The following DAB1 variants were observed in gnomAD, a reference collection of about 807,000 sequenced individuals.
DAB1 encodes disabled homolog 1.
Under a neutral mutation model 64.6 loss-of-function variants are expected in DAB1, and 15 were observed. The observed-to-expected ratio is 0.23, with a 90% CI of 0.16 to 0.36. DAB1 has a LOEUF of 0.36. Ranked by LOEUF, DAB1 falls within the 10% of genes least tolerant of loss-of-function variation. The pLI is 1.00. For missense variants in DAB1, 596 were observed against 706.7 expected (o/e 0.84, Z 1.78); for synonymous variants, 235 against 251.9 (o/e 0.93, Z 0.64).
At chr1:57,621,468 C>T (rs960575106) in intron 7 of DAB1, among the ~76,000 whole-genome samples, 4 of 151,896 alleles carry the variant, frequency 2.6e-5, no homozygotes, top group African/African-American at 9.7e-5. Flanking sequence ...TACTTCTGTA[C>T]TTTTGAACAA....
intron 4 of DAB1, among the ~76,000 whole-genome samples, chr1:57,127,206 A>G (rs1268645396): frequency 6.6e-6 from 1 of 152,244 alleles, no homozygotes; most frequent in Non-Finnish European, 1.5e-5. Context: ...AATAAGCAGT[A>G]GACTCCATAT....
At chr1:57,849,721 A>G (rs1162444351) in intron 1 of DAB1, among the ~76,000 whole-genome samples, 1 of 152,182 alleles carries the variant, frequency 6.6e-6, no homozygotes, top group East Asian at 1.9e-4. Flanking sequence ...AAAATAATAT[A>G]TCCTTTGTGG....
At chr1:58,465,253 C>T (rs1036925399) in intron 3 of DAB1, among the ~76,000 whole-genome samples, 1 of 152,208 alleles carries the variant, frequency 6.6e-6, no homozygotes, top group Non-Finnish European at 1.5e-5. Context: ...CACTGGCCAC[C>T]AAGCCACAAG....
At chr1:57,198,755 TGGA>T (rs1442438842) in intron 2 of DAB1, among the ~76,000 whole-genome samples, 3 of 151,598 alleles carry the variant, frequency 2.0e-5, no homozygotes, top group Non-Finnish European at 2.9e-5. Context: ...AGCTGGACTC[TGGA>T]GGAGGAGAGG....
intron 2 of DAB1, among the ~76,000 whole-genome samples, chr1:57,187,025 A>T (rs1283912226): frequency 2.0e-5 from 3 of 152,186 alleles, no homozygotes; most frequent in African/African-American, 7.2e-5. Context: ...AAAAGATGGG[A>T]TCTAAAAGAT....
At chr1:57,264,513 A>G (rs1423805967) in intron 2 of DAB1, among the ~76,000 whole-genome samples, 1 of 152,246 alleles carries the variant, frequency 6.6e-6, no homozygotes, top group Non-Finnish European at 1.5e-5. Context: ...CCGCATACAT[A>G]GCCCTGATTT....
intron 2 of DAB1, among the ~76,000 whole-genome samples, chr1:57,221,819 A>C (rs2100386659): frequency 6.6e-6 from 1 of 152,272 alleles, no homozygotes; most frequent in East Asian, 1.9e-4. Flanking sequence ...TCCTAACTGC[A>C]ACATTACCCT....
chr1:57,838,461 A>G (rs1212297631), intron 1 of DAB1, among the ~76,000 whole-genome samples: 1 of 152,098 alleles, frequency 6.6e-6, no homozygotes, highest in Non-Finnish European at 1.5e-5. Context: ...TAAGAACAGA[A>G]AAAAAAACTG....
intron 3 of DAB1, among the ~76,000 whole-genome samples, chr1:58,411,252 T>C (rs920985140): frequency 2.6e-5 from 4 of 152,198 alleles, no homozygotes; most frequent in Non-Finnish European, 5.9e-5. Context: ...ACATAGTAGT[T>C]AAGAGAAAGT....
intron 1 of DAB1, among the ~76,000 whole-genome samples, chr1:57,844,110 C>T (rs544263006): frequency 6.6e-6 from 1 of 152,336 alleles, no homozygotes; most frequent in South Asian, 2.1e-4. Flanking sequence ...CACAGTAAAA[C>T]TCCTCATCCC....
At chr1:58,069,954 C>A (rs774061684) in intron 5 of DAB1, among the ~76,000 whole-genome samples, 2 of 152,160 alleles carry the variant, frequency 1.3e-5, no homozygotes, top group Non-Finnish European at 2.9e-5. Flanking sequence ...CCCTTGCCCA[C>A]AGAGTCAGTG....
At position 57,831,203 on chromosome 1, in the gene DAB1, G is replaced by A. The variant is rs186711047; in HGVS notation, n.88-4748C>T. On this transcript the variant is annotated intron_variant and non_coding_transcript_variant, in intron 1 of 1. Transcript: ENST00000477280. ...GCTGGGATTACAGGTGTGAGCCACC[G>A]CGCCCAGCCATGTTGCTGTATTTTT... Among the ~76,000 whole-genome samples the A allele has an allele frequency of 1.8e-3, 269 of 152,190 alleles. 2 individuals carry two copies. The highest frequency in any genetic ancestry group is 0.015 in the South Asian group (72 of 4,824).
At chr1:58,539,382 TA>T in intron 1 of DAB1, 2 of 678,072 alleles carry the variant, frequency 2.9e-6, no homozygotes, top group South Asian at 1.9e-5. Flanking sequence ...TAACACTTAT[TA>T]AATAGGCGTG....
rs1557666150 is a variant in DAB1 at position 58,135,416 on chromosome 1, GGTACCGA to G, written n.387+15088_387+15094del. Among the ~76,000 whole-genome samples the G allele has an allele frequency of 2.0e-5, 3 of 152,192 alleles. No individual in the cohort carries two copies. In the East Asian group the frequency reaches 5.8e-4, roughly 29 times the overall value. On this transcript the variant is annotated intron_variant and non_coding_transcript_variant, in intron 5 of 20. Transcript: ENST00000485760. The stretch of plus-strand genomic sequence containing the variant: ...TGAGGAAGGCCTTGACTAGCTACCA[GGTACCGA>G]GTACCTGGTACTCAGTGCTGAGTTC...
At chr1:57,618,497 A>G (rs1485356058) in intron 7 of DAB1, among the ~76,000 whole-genome samples, 1 of 151,540 alleles carries the variant, frequency 6.6e-6, no homozygotes, top group East Asian at 1.9e-4. Flanking sequence ...TAAGTGAGAA[A>G]TAGGAAAGAA....
chr1:57,502,489 ATCAT>A (rs1644302205), intron 7 of DAB1, among the ~76,000 whole-genome samples: 1 of 152,112 alleles, frequency 6.6e-6, no homozygotes, highest in African/African-American at 2.4e-5. Flanking sequence ...CATCTCCAAT[ATCAT>A]ATTTTACCCT....
chr1:57,339,922 C>T (rs2100824413), intron 1 of DAB1, among the ~76,000 whole-genome samples: 1 of 152,176 alleles, frequency 6.6e-6, no homozygotes, highest in South Asian at 2.1e-4. Flanking sequence ...CAAGTCATCG[C>T]CAGGGAGGTA....
intron 6 of DAB1, among the ~76,000 whole-genome samples, chr1:57,814,132 T>A (rs528580827): frequency 2.0e-5 from 3 of 152,276 alleles, no homozygotes; most frequent in Admixed American, 6.5e-5. Flanking sequence ...TAAGAAGAAC[T>A]GTTAGAAAAA....
At chr1:58,116,961 G>A (rs1306638061) in intron 5 of DAB1, among the ~76,000 whole-genome samples, 1 of 152,174 alleles carries the variant, frequency 6.6e-6, no homozygotes, top group Admixed American at 6.5e-5. Flanking sequence ...AACCTAACAG[G>A]TATTGTCTTT....
Sources: allele counts gnomAD v4.1 joint callset (sites outside exome capture counted in the v4.1 genomes callset), GRCh38; gene constraint gnomAD v4.1.1; transcripts MANE v1.5; gene names NCBI Gene and HGNC (gene_info 2026-07-23, HGNC 2026-07-21).